Variants in SYNM observed in about 807,000 individuals in gnomAD.
The protein encoded by SYNM is synemin.
A neutral mutation model predicts 104.0 loss-of-function variants in SYNM; 95 were observed. The observed-to-expected ratio is 0.91, with a 90% CI of 0.77 to 1.08. SYNM has a LOEUF of 1.08. SYNM is among the 50% of genes least tolerant of loss of function. The pLI is 0.00. For synonymous variants in SYNM, 918 were observed against 869.0 expected (o/e 1.06, Z -0.99); for missense variants, 2,150 against 2,052.2 (o/e 1.05, Z -0.92).
At chr15:99,113,752 A>G (rs1285315556) in intron 2 of SYNM, 37 bp downstream of exon 2, 2 of 1,610,220 alleles carry the variant, frequency 1.2e-6, no homozygotes, top group Non-Finnish European at 1.7e-6. Flanking sequence ...TGACGAAGCC[A>G]TGGGGGTGTA....
chr15:99,107,935 TTTTGTTTTTTG>T (rs1356241131), intron 1 of SYNM, among the ~76,000 whole-genome samples: 4 of 123,676 alleles, frequency 3.2e-5, no homozygotes, highest in African/African-American at 1.1e-4. Flanking sequence ...TGGTTTTTTT[TTTTGTTTTTTG>T]TTTTGTTTTT....
downstream of SYNM, chr15:99,139,922 C>T: frequency 2.7e-6 from 1 of 376,342 alleles, no homozygotes; most frequent in Non-Finnish European, 4.8e-6. Flanking sequence ...CTTCTGCTTA[C>T]TTTAAGTCTT....
At chr15:99,138,002 T>TG (rs1172377131), downstream of SYNM, 2 of 1,613,838 alleles carry the variant, frequency 1.2e-6, no homozygotes, top group African/African-American at 2.7e-5. Context: ...TTTTTCAGGG[T>TG]GGGGGCCTCA....
At chr15:99,110,460 T>G (rs12148438) in intron 1 of SYNM, among the ~76,000 whole-genome samples, 81,600 of 152,058 alleles carry the variant, frequency 0.54, 23,089 homozygotes, top group Middle Eastern at 0.66. Context: ...AAATATAACT[T>G]GAGTTCAGGG....
chr15:99,139,710 C>T (rs2068000360), downstream of SYNM: 1 of 1,362,328 alleles, frequency 7.3e-7, no homozygotes, highest in Non-Finnish European at 9.7e-7. Context: ...GGATGGGCTC[C>T]AGTTTCTATT....
chr15:99,115,403 C>T (rs529725857), intron 2 of SYNM, among the ~76,000 whole-genome samples: 1 of 121,434 alleles, frequency 8.2e-6, no homozygotes, highest in Non-Finnish European at 1.8e-5. Flanking sequence ...ATCTTCTGAT[C>T]ATGATTTTTT....
rs1555486234 is a variant in SYNM at position 99,132,860 on chromosome 15, A to G, written c.4500A>G (p.Ala1500=). ...WRDADSRNDQ[A]VGVSFKASAG... is the part of the protein sequence containing the mutation. The stretch of plus-strand genomic sequence containing the variant: ...ACGCGGACAGTAGGAATGACCAGGC[A>G]GTTGGTGTGAGCTTTAAGGCCTCTG... Residue 1500 remains alanine, a synonymous_variant, in exon 4 of 4, where the codon GCA becomes GCG. Coordinates refer to ENST00000336292, the MANE Select transcript of SYNM (RefSeq NM_145728.3). 1.9e-6 allele frequency: 3 copies of G among 1,613,942 alleles called. No individual in the cohort carries two copies. The highest frequency in any genetic ancestry group is 2.5e-6 in the Non-Finnish European group (3 of 1,179,868).
At chr15:99,136,417 CA>C (rs1271743888), downstream of SYNM, 3 of 152,252 alleles carry the variant, frequency 2.0e-5, no homozygotes, top group African/African-American at 7.2e-5. Context: ...GCTTAAACAA[CA>C]AACATTTATT....
At position 99,129,707 on chromosome 15, in the gene SYNM, A is replaced by G. The variant is rs1555485450; in HGVS notation, c.1347A>G (p.Pro449=). ...EAQVKTFPDR[P]KAGDTREVPV... ...AAGTGAAAACATTCCCTGACAGACC[A>G]AAAGCCGGAGATACAAGGGAGGTCC... is the stretch of plus-strand genomic sequence containing the variant. Residue 449 remains proline (P), a synonymous_variant, in exon 4 of 4, where the codon CCA becomes CCG. Transcript: ENST00000336292. 1 of 1,613,860 alleles carries G rather than the reference A, an allele frequency of 6.2e-7. No homozygotes were observed. The highest frequency in any genetic ancestry group is 2.2e-5 in the East Asian group (1 of 44,886).
At chr15:99,118,249 C>G (rs2067368584) in intron 2 of SYNM, among the ~76,000 whole-genome samples, 1 of 152,236 alleles carries the variant, frequency 6.6e-6, no homozygotes, top group African/African-American at 2.4e-5. Context: ...GAAGACAAAC[C>G]CTCGTCATCC....
rs200788601 is a variant in SYNM at position 99,131,063 on chromosome 15, C to T, written c.2703C>T (p.Asp901=). The T allele has an allele frequency of 2.1e-4, 342 of 1,606,402 alleles. 1 individual carries two copies. The highest frequency in any genetic ancestry group is 1.5e-3 in the Admixed American group (88 of 58,614). Reference sequence around the variant, plus strand: ...TCCCAGCGCCCTCTCTGGAGGGGGACCTGGGTTCCACTCACTGGAAAGAAC... The same window carrying T: ...TCCCAGCGCCCTCTCTGGAGGGGGATCTGGGTTCCACTCACTGGAAAGAAC... The part of the protein sequence containing the change: ...LDVPAPSLEG[D]LGSTHWKEQA... The change falls in exon 4 of 4, where the codon GAC becomes GAT. Residue 901 remains aspartate, a synonymous_variant. Transcript: ENST00000336292. This position sits in a 1 kb window ranked among gnomAD's most constrained non-coding sequence, Gnocchi z 4.3.
At chr15:99,123,455 G>A (rs563590202) in intron 2 of SYNM, among the ~76,000 whole-genome samples, 6 of 152,030 alleles carry the variant, frequency 3.9e-5, no homozygotes, top group Admixed American at 1.3e-4. Flanking sequence ...CACCTTTCCC[G>A]TTCAGGTGGC....
rs1555484431 is a variant in SYNM at position 99,120,663 on chromosome 15, T to TGGGGAGCCTGCTACACAGC, written c.936-6058_936-6040dup. Among the ~76,000 whole-genome samples, 3 of 152,170 alleles carry TGGGGAGCCTGCTACACAGC rather than the reference T, an allele frequency of 2.0e-5. No homozygotes were observed. In the South Asian group the frequency reaches 6.2e-4, roughly 32 times the overall value. On this transcript the variant is annotated intron_variant, in intron 2 of 3. Transcript: ENST00000336292. ...GGCTGTAGATGAGGCAGCATGGATC[T>TGGGGAGCCTGCTACACAGC]GGGGAGCCTGCTACACAGCAGGGAA... is the stretch of plus-strand genomic sequence containing the variant.
chr15:99,130,661 A>G lies in SYNM; in HGVS notation c.2301A>G (p.Pro767=), dbSNP rs782717693. The change falls in exon 4 of 4, where the codon CCA becomes CCG. Residue 767 remains proline, a synonymous_variant. Transcript: ENST00000336292. ...AGAAGCCGGAGGAGTTTTCCGTCCC[A>G]TTCAAAGTGGAGGAGGTCGAAGATG... ...SGEKPEEFSV[P]FKVEEVEDVS... 29 of 1,613,662 alleles carry G rather than the reference A, an allele frequency of 1.8e-5. No individual in the cohort carries two copies. Among genetic ancestry groups the G allele is most frequent in the Non-Finnish European group, 3.4e-6 (4 of 1,179,782 alleles).
chr15:99,138,256 G>C (rs2067770012), downstream of SYNM: 1 of 1,065,074 alleles, frequency 9.4e-7, no homozygotes, highest in Non-Finnish European at 1.3e-6. Context: ...CTATAAATGA[G>C]AGGAGAATTG....
Position 99,129,475 on chromosome 15 carries a change from C to T in SYNM, c.1115C>T (p.Ser372Leu), listed in dbSNP as rs782324812. The T allele has an allele frequency of 2.3e-5, 37 of 1,613,964 alleles. No individual in the cohort carries two copies. In the South Asian group the frequency reaches 3.3e-4, roughly 14 times the overall value. ...KAPLASFNHSSALYSNLSGHR... is the reference protein window; with the variant it reads ...KAPLASFNHSLALYSNLSGHR... ...CCTTTGGCAAGTTTCAATCACAGCTCGGCACTGTATTCTAACCTGTCAGGG... is the reference window on the plus strand; with the variant it reads ...CCTTTGGCAAGTTTCAATCACAGCTTGGCACTGTATTCTAACCTGTCAGGG... Residue 372 changes from serine to leucine, a missense_variant, in exon 4 of 4, where the codon TCG becomes TTG. By Grantham distance (145) the Ser-to-Leu change is moderately radical (BLOSUM62 -2). Coordinates refer to ENST00000336292, the MANE Select transcript of SYNM (RefSeq NM_145728.3).
Position 99,133,261 on chromosome 15 carries a change from A to AT in SYNM, c.*207dup. On this transcript the variant is annotated 3_prime_UTR_variant, in exon 4 of 4. Coordinates refer to ENST00000336292, the MANE Select transcript of SYNM (RefSeq NM_145728.3). The stretch of plus-strand genomic sequence containing the variant: ...AATTCATGCCTTAAAAGGCACTGCA[A>AT]TTTTATTTTTGAGTTGGGACTTTTA... The AT allele has an allele frequency of 9.0e-7, 1 of 1,114,504 alleles. No homozygotes were observed. The allele number at this position is 1,114,504 out of a possible 1,614,324, so 69.0% of individuals were successfully genotyped here.
rs1567285502 is a variant in SYNM, at chr15:99,132,416, C to G, written c.4056C>G (p.His1352Gln). 1.9e-6 allele frequency: 3 copies of G among 1,614,002 alleles called. No individual in the cohort carries two copies. The highest frequency in any genetic ancestry group is 2.2e-5 in the South Asian group (2 of 91,086). The part of the protein sequence containing the change: ...TVHGEGSADV[H>Q]QATHSHTSGR... ...ACGGAGAGGGCTCAGCAGATGTGCA[C>G]CAGGCCACTCACAGTCATACCTCGG... The change falls in exon 4 of 4, where the codon CAC becomes CAG. Residue 1352 changes from histidine to glutamine, a missense_variant. Coordinates refer to ENST00000336292, the MANE Select transcript of SYNM (RefSeq NM_145728.3).
At chr15:99,139,424 T>A (rs1555489027), downstream of SYNM, 1 of 1,613,738 alleles carries the variant, frequency 6.2e-7, no homozygotes, top group Admixed American at 1.7e-5. Flanking sequence ...GCAGCTATCA[T>A]GAGGCTATGG....
Sources: gnomAD v4.1 joint callset for allele counts (sites outside exome capture counted in the v4.1 genomes callset) on GRCh38, gnomAD v4.1.1 for gene constraint, Gnocchi (gnomAD v3.1) non-coding constraint, MANE v1.5 for transcripts, NCBI Gene and HGNC (gene_info 2026-07-23, HGNC 2026-07-21) for gene names.